TMC1: variants seen among roughly 807,000 people sequenced by gnomAD.
TMC1 encodes transmembrane channel like 1.
Under a neutral mutation model 105.8 loss-of-function variants are expected in TMC1, and 84 were observed. That is an observed-to-expected ratio of 0.79 (90% CI 0.67 to 0.95). The LOEUF is 0.95. TMC1 is among the 40% of genes least tolerant of loss of function. TMC1 has a pLI of 0.00. For missense variants in TMC1, 817 were observed against 914.1 expected (o/e 0.89, Z 1.37); for synonymous variants, 315 against 311.5 (o/e 1.01, Z -0.12).
At chr9:72,654,575 C>T (rs909667998) in intron 5 of TMC1, among the ~76,000 whole-genome samples, 10 of 152,028 alleles carry the variant, frequency 6.6e-5, no homozygotes, top group Non-Finnish European at 8.8e-5. Context: ...ATGGTATACC[C>T]CTTACATATG....
At chr9:72,543,296 A>G (rs1284486836) in intron 1 of TMC1, among the ~76,000 whole-genome samples, 1 of 152,058 alleles carries the variant, frequency 6.6e-6, no homozygotes, top group East Asian at 1.9e-4. Context: ...TCTTCCTTAA[A>G]TTTAGTTCCC....
chr9:72,785,106 GA>G (rs1212481531), intron 13 of TMC1, among the ~76,000 whole-genome samples: 3 of 151,976 alleles, frequency 2.0e-5, no homozygotes, highest in Non-Finnish European at 4.4e-5. Context: ...AAATTAGAAA[GA>G]AAAAAATAAT....
chr9:72,646,253 T>A (rs1319695288), intron 4 of TMC1, among the ~76,000 whole-genome samples: 2 of 152,226 alleles, frequency 1.3e-5, no homozygotes, highest in Non-Finnish European at 2.9e-5. Context: ...TGCCACCTCA[T>A]ACACAGGTGC....
chr9:72,701,578 A>G (rs1826647259), intron 8 of TMC1, among the ~76,000 whole-genome samples: 1 of 152,172 alleles, frequency 6.6e-6, no homozygotes, highest in South Asian at 2.1e-4. Context: ...AGCCTATTTA[A>G]CTAGTAATGC....
intron 17 of TMC1, among the ~76,000 whole-genome samples, chr9:72,797,047 AT>A (rs1828383387): frequency 6.6e-6 from 1 of 152,146 alleles, no homozygotes; most frequent in South Asian, 2.1e-4. Flanking sequence ...AATGTGCAAA[AT>A]TGCTCGCATT....
intron 2 of TMC1, among the ~76,000 whole-genome samples, chr9:72,592,129 G>C (rs539953827): frequency 2.0e-5 from 3 of 152,280 alleles, no homozygotes; most frequent in Middle Eastern, 3.4e-3. Context: ...GCAGGGTAAA[G>C]GACAACTCCA....
Position 72,792,203 on chromosome 9 carries a change from A to C in TMC1, c.1417A>C (p.Lys473Gln), listed in dbSNP as rs993650641. ...CTTTGCTTTCTAGATTGAAGAGGAG[A>C]AGCTAGTAAAGGCCAATATTACCCT... is the stretch of plus-strand genomic sequence containing the variant. ...DEINNKIEEEKLVKANITLWE... is the reference protein window; with the variant it reads ...DEINNKIEEEQLVKANITLWE... The change falls in exon 17 of 24, where the codon AAG becomes CAG. Residue 473 changes from lysine to glutamine, a missense_variant. By Grantham distance (53) the Lys-to-Gln change is moderately conservative. Coordinates refer to ENST00000297784, the MANE Select transcript of TMC1 (RefSeq NM_138691.3). 1 of 1,614,124 alleles carries C rather than the reference A, an allele frequency of 6.2e-7. No homozygotes were observed. The highest frequency in any genetic ancestry group is 8.5e-7 in the Non-Finnish European group (1 of 1,180,020).
chr9:72,601,169 TACACACACACAC>T, intron 2 of TMC1, among the ~76,000 whole-genome samples: 1 of 148,388 alleles, frequency 6.7e-6, no homozygotes, highest in Admixed American at 6.8e-5. Context: ...ACACTGTTTC[TACACACACACAC>T]ACACACACAC....
At chr9:72,570,676 CTTTTTTTTTT>C (rs529953890) in intron 1 of TMC1, among the ~76,000 whole-genome samples, 12 of 75,644 alleles carry the variant, frequency 1.6e-4, no homozygotes, top group Non-Finnish European at 2.8e-4. Flanking sequence ...GCCAAATTTC[CTTTTTTTTTT>C]TTTTTTTTTT....
chr9:72,798,060 A>G (rs991308146), intron 17 of TMC1, among the ~76,000 whole-genome samples: 6 of 152,230 alleles, frequency 3.9e-5, no homozygotes, highest in Non-Finnish European at 7.4e-5. Flanking sequence ...GGCAAAGGAC[A>G]TGAACAGACA....
chr9:72,568,446 C>T (rs1587963619), intron 1 of TMC1, among the ~76,000 whole-genome samples: 1 of 152,146 alleles, frequency 6.6e-6, no homozygotes, highest in African/African-American at 2.4e-5. Flanking sequence ...TTGCTTCAGG[C>T]TCTTCTGTTA....
intron 8 of TMC1, among the ~76,000 whole-genome samples, chr9:72,708,727 A>T (rs1826785567): frequency 6.6e-6 from 1 of 151,876 alleles, no homozygotes; most frequent in Admixed American, 6.6e-5. Context: ...TGACAGTTTC[A>T]CCTCTTTACC....
intron 12 of TMC1, among the ~76,000 whole-genome samples, chr9:72,761,477 C>T (rs1827754510): frequency 6.6e-6 from 1 of 152,104 alleles, no homozygotes; most frequent in Non-Finnish European, 1.5e-5. Context: ...GTCTACTTTG[C>T]CTCCCCTTTT....
Position 72,836,035 on chromosome 9 carries a change from T to G in TMC1, c.*62T>G. On this transcript the variant is annotated 3_prime_UTR_variant, in exon 24 of 24. Coordinates refer to ENST00000297784, the MANE Select transcript of TMC1 (RefSeq NM_138691.3). Reference sequence around the variant, plus strand: ...CTTGCTGTTTAAAAGTAATGCAATATGTGAACGCCCAGAGAACAAGCACTG... The same window carrying G: ...CTTGCTGTTTAAAAGTAATGCAATAGGTGAACGCCCAGAGAACAAGCACTG... 6.4e-7 allele frequency: 1 copy of G among 1,569,304 alleles called. No individual in the cohort carries two copies. The highest frequency in any genetic ancestry group is 8.7e-7 in the Non-Finnish European group (1 of 1,144,576).
intron 18 of TMC1, among the ~76,000 whole-genome samples, chr9:72,806,874 G>C (rs1828604879): frequency 6.6e-6 from 1 of 152,242 alleles, no homozygotes; most frequent in African/African-American, 2.4e-5. Flanking sequence ...CAGCCGAGCA[G>C]AGGCTGCAAT....
chr9:72,529,405 T>C (rs925076247), intron 1 of TMC1, among the ~76,000 whole-genome samples: 4 of 152,106 alleles, frequency 2.6e-5, no homozygotes, highest in Non-Finnish European at 5.9e-5. Context: ...CACCTGTGAA[T>C]AGTCACTGCA....
intron 4 of TMC1, among the ~76,000 whole-genome samples, chr9:72,632,802 A>G (rs1368256764): frequency 2.0e-5 from 3 of 152,214 alleles, no homozygotes; most frequent in Admixed American, 6.5e-5. Context: ...AGTAGTAAAA[A>G]GTTTGCGAAT....
chr9:72,688,857 AGT>A (rs768472910), intron 6 of TMC1, 101 bp downstream of exon 6: 204 of 994,142 alleles, frequency 2.1e-4, no homozygotes, highest in Non-Finnish European at 3.0e-4. Flanking sequence ...TGTAAGCAGA[AGT>A]GTGTGTGGAT....
intron 17 of TMC1, among the ~76,000 whole-genome samples, chr9:72,802,759 A>T (rs1279807032): frequency 6.6e-6 from 1 of 152,216 alleles, no homozygotes; most frequent in East Asian, 1.9e-4. Context: ...AAAACATTCC[A>T]TGCTCATGGA....
Sources: allele counts gnomAD v4.1 joint callset (sites outside exome capture counted in the v4.1 genomes callset), GRCh38; gene constraint gnomAD v4.1.1; transcripts MANE v1.5; gene names NCBI Gene and HGNC (gene_info 2026-07-23, HGNC 2026-07-21).